Variants in PDZRN4 observed in about 807,000 individuals in gnomAD.
The protein encoded by PDZRN4 is PDZ domain-containing RING finger protein 4.
In PDZRN4, 70 loss-of-function variants were observed where a neutral mutation model predicts 99.0. The ratio of observed to expected loss-of-function variants is 0.71; its 90% CI spans 0.58 to 0.86. The LOEUF (loss-of-function observed/expected upper bound fraction) is 0.86, where lower values mean the gene tolerates loss of function less well. PDZRN4 is among the 40% of genes least tolerant of loss of function. The pLI is 0.00. For missense variants in PDZRN4, 1,474 were observed against 1,331.2 expected (o/e 1.11, Z -1.67); for synonymous variants, 551 against 501.6 (o/e 1.10, Z -1.32).
chr12:41,205,335 TCTTATGATC>T (rs527401749), intron 3 of PDZRN4, among the ~76,000 whole-genome samples: 46 of 152,012 alleles, frequency 3.0e-4, no homozygotes, highest in African/African-American at 1.0e-3. Context: ...GCAAATTACA[TCTTATGATC>T]CTTCTGTCTA....
At chr12:41,216,733 TAATCATCTGATTAATTCATTTCAGAACAC>T (rs1566367232) in intron 3 of PDZRN4, among the ~76,000 whole-genome samples, 2 of 152,074 alleles carry the variant, frequency 1.3e-5, no homozygotes, top group African/African-American at 4.8e-5. Context: ...TTTATTTGAT[TAATCATCTGATTAATTCATTTCAGAACAC>T]AGACCAGATA....
At chr12:41,272,628 A>T (rs1453908256) in intron 3 of PDZRN4, among the ~76,000 whole-genome samples, 1 of 151,978 alleles carries the variant, frequency 6.6e-6, no homozygotes, top group Non-Finnish European at 1.5e-5. Flanking sequence ...AGTATAATTG[A>T]CTCTTTTAGT....
intron 3 of PDZRN4, among the ~76,000 whole-genome samples, chr12:41,227,854 C>T (rs1288487772): frequency 6.9e-6 from 1 of 143,964 alleles, no homozygotes; most frequent in Non-Finnish European, 1.5e-5. Context: ...AAAGTCGTGT[C>T]TTAAGAAAAC....
intron 3 of PDZRN4, among the ~76,000 whole-genome samples, chr12:41,223,351 C>T (rs140162552): frequency 1.1e-3 from 172 of 152,164 alleles, no homozygotes; most frequent in African/African-American, 4.0e-3. Flanking sequence ...CCATTCATCC[C>T]TATTTCTCCC....
At chr12:41,557,724 C>A (rs1759165769) in intron 7 of PDZRN4, among the ~76,000 whole-genome samples, 1 of 151,760 alleles carries the variant, frequency 6.6e-6, no homozygotes, top group African/African-American at 2.4e-5. Flanking sequence ...AGGCTCCAAA[C>A]AGGAAAGAAT....
intron 3 of PDZRN4, among the ~76,000 whole-genome samples, chr12:41,317,153 T>TAG (rs958320832): frequency 2.0e-5 from 3 of 148,964 alleles, no homozygotes; most frequent in African/African-American, 7.3e-5. Context: ...TATATATATT[T>TAG]AGAGAGAGAG....
intron 3 of PDZRN4, among the ~76,000 whole-genome samples, chr12:41,338,947 A>G (rs1313884380): frequency 6.6e-6 from 1 of 152,110 alleles, no homozygotes; most frequent in Admixed American, 6.6e-5. Flanking sequence ...ATGGAAAGAC[A>G]TTCTATGTTT....
chr12:41,242,682 T>G (rs1440888440), intron 3 of PDZRN4, among the ~76,000 whole-genome samples: 1 of 152,184 alleles, frequency 6.6e-6, no homozygotes, highest in East Asian at 1.9e-4. Context: ...GACAGGGTTT[T>G]GCCATATTGC....
intron 3 of PDZRN4, among the ~76,000 whole-genome samples, chr12:41,250,397 G>A (rs1338479831): frequency 6.6e-6 from 1 of 151,760 alleles, no homozygotes; most frequent in Non-Finnish European, 1.5e-5. Context: ...TTAATATGAG[G>A]GAACTTCAAA....
At chr12:41,256,635 T>C (rs1456031071) in intron 3 of PDZRN4, among the ~76,000 whole-genome samples, 1 of 152,202 alleles carries the variant, frequency 6.6e-6, no homozygotes, top group Non-Finnish European at 1.5e-5. Context: ...TCACTTTATA[T>C]AGTATCTTGC....
intron 3 of PDZRN4, among the ~76,000 whole-genome samples, chr12:41,325,079 T>C (rs535181163): frequency 6.6e-6 from 1 of 152,234 alleles, no homozygotes; most frequent in South Asian, 2.1e-4. Context: ...GGACCAACTA[T>C]GGAGATATTT....
At chr12:41,518,283 T>C (rs1938436957) in intron 5 of PDZRN4, among the ~76,000 whole-genome samples, 1 of 152,054 alleles carries the variant, frequency 6.6e-6, no homozygotes, top group Non-Finnish European at 1.5e-5. Flanking sequence ...GTAAATCCAA[T>C]CTATGCATTT....
intron 3 of PDZRN4, among the ~76,000 whole-genome samples, chr12:41,319,423 G>C (rs972929404): frequency 6.6e-6 from 1 of 152,066 alleles, no homozygotes; most frequent in African/African-American, 2.4e-5. Flanking sequence ...TGGGTTCTCA[G>C]TGTTTGTGGC....
At chr12:41,305,954 G>T (rs1397407543) in intron 3 of PDZRN4, among the ~76,000 whole-genome samples, 2 of 152,168 alleles carry the variant, frequency 1.3e-5, no homozygotes, top group African/African-American at 2.4e-5. Flanking sequence ...TTCCTCTCCA[G>T]CTATAAACCT....
At chr12:41,257,438 A>C (rs891023672) in intron 3 of PDZRN4, among the ~76,000 whole-genome samples, 8 of 152,130 alleles carry the variant, frequency 5.3e-5, no homozygotes, top group Admixed American at 2.0e-4. Context: ...AATACCATCG[A>C]CTTAGTGATT....
At chr12:41,571,302 A>C (rs1173825667) in intron 9 of PDZRN4, among the ~76,000 whole-genome samples, 1 of 146,134 alleles carries the variant, frequency 6.8e-6, no homozygotes, top group Admixed American at 6.9e-5. Context: ...AGTTACAGTT[A>C]ATTGTTTTAC....
chr12:41,476,498 A>C (rs1265937290), intron 3 of PDZRN4, among the ~76,000 whole-genome samples: 2 of 152,202 alleles, frequency 1.3e-5, no homozygotes, highest in Non-Finnish European at 2.9e-5. Flanking sequence ...TTTGTTTGAT[A>C]CTGCTTCACC....
intron 3 of PDZRN4, among the ~76,000 whole-genome samples, chr12:41,447,056 A>T (rs1952735332): frequency 6.6e-6 from 1 of 152,042 alleles, no homozygotes; most frequent in Admixed American, 6.6e-5. Context: ...CACAAAAGTG[A>T]AGGGGCTTAG....
chr12:41,548,978 TAA>T (rs1358850283), intron 5 of PDZRN4, among the ~76,000 whole-genome samples: 1 of 152,210 alleles, frequency 6.6e-6, no homozygotes, highest in Non-Finnish European at 1.5e-5. Flanking sequence ...TGATTTTTTT[TAA>T]AGAGACTTTA....
Sources: gnomAD v4.1 joint callset for allele counts (sites outside exome capture counted in the v4.1 genomes callset) on GRCh38, gnomAD v4.1.1 for gene constraint, MANE v1.5 for transcripts, NCBI Gene and HGNC (gene_info 2026-07-23, HGNC 2026-07-21) for gene names.